MECOM: variants seen among roughly 807,000 people sequenced by gnomAD.
MECOM encodes MDS1 and EVI1 complex locus.
MECOM carries 13 observed loss-of-function variants against 116.3 expected under a neutral mutation model. The ratio of observed to expected loss-of-function variants is 0.11; its 90% confidence interval spans 0.07 to 0.18. The LOEUF is 0.18. MECOM is among the 10% of genes least tolerant of loss of function. The pLI is 1.00. For missense variants in MECOM, 1,299 were observed against 1,509.0 expected (o/e 0.86, Z 2.31); for synonymous variants, 528 against 535.2 (o/e 0.99, Z 0.19).
intron 2 of MECOM, among the ~76,000 whole-genome samples, chr3:169,267,872 A>T (rs550730754): frequency 6.6e-5 from 10 of 152,274 alleles, no homozygotes; most frequent in African/African-American, 2.4e-4. Context: ...GAAAAGGAAG[A>T]GAAGACTCCC....
intron 2 of MECOM, among the ~76,000 whole-genome samples, chr3:169,248,412 A>G (rs1217288645): frequency 1.3e-5 from 2 of 152,184 alleles, no homozygotes; most frequent in African/African-American, 2.4e-5. Context: ...TGCTAAATCT[A>G]CCTCTTAGTT....
intron 1 of MECOM, among the ~76,000 whole-genome samples, chr3:169,391,098 G>T (rs749911103): frequency 6.6e-6 from 1 of 152,112 alleles, no homozygotes; most frequent in Non-Finnish European, 1.5e-5. Flanking sequence ...AAATAATTAT[G>T]CATGTCTGGC....
At position 169,378,540 on chromosome 3, in the gene MECOM, AAG is replaced by A. The variant is rs1284107912; in HGVS notation, c.375+2645_375+2646del. ...AAAGAAAGAAAGAAAGAAAGAAAGA[AAG>A]AAAGAAAGAAAGAAAGAAAGAAAGA... On this transcript the variant is annotated intron_variant, in intron 2 of 16. Transcript: ENST00000651503. Among the ~76,000 whole-genome samples, 41 of 119,680 alleles carry A rather than the reference AAG, an allele frequency of 3.4e-4. 4 individuals are homozygous for A. The highest frequency in any genetic ancestry group is 1.2e-3 in the African/African-American group (35 of 28,612). 78.5% of individuals were successfully genotyped at this position (119,680 alleles called of 152,430 possible).
chr3:169,506,457 G>A (rs1182059216), intron 1 of MECOM, among the ~76,000 whole-genome samples: 1 of 137,292 alleles, frequency 7.3e-6, no homozygotes, highest in South Asian at 2.3e-4. Context: ...CCTGTCTGAG[G>A]TGAGTACTCT....
At position 169,430,703 on chromosome 3, in the gene MECOM, C is replaced by T. The variant is rs117653043; in HGVS notation, c.38-49179G>A. 1.9e-3 allele frequency among the ~76,000 whole-genome samples: 288 copies of T among 152,248 alleles called. 5 individuals carry two copies. The East Asian group carries it at 0.048, about 26-fold the overall frequency. ...TTACCTGCTAGTTCCAATTGATTTC[C>T]TTTGCCTTTGCCTCCTTTAGCCATG... On this transcript the variant is annotated intron_variant, in intron 1 of 16. Coordinates refer to ENST00000651503, the MANE Select transcript of MECOM (RefSeq NM_004991.4).
At chr3:169,362,323 G>A (rs1336005873) in intron 2 of MECOM, among the ~76,000 whole-genome samples, 3 of 151,868 alleles carry the variant, frequency 2.0e-5, no homozygotes, top group Non-Finnish European at 2.9e-5. Context: ...GACAGAATTC[G>A]AAGACTCATA....
chr3:169,125,062 C>T (rs187996751), intron 5 of MECOM, among the ~76,000 whole-genome samples: 1 of 152,198 alleles, frequency 6.6e-6, no homozygotes, highest in East Asian at 1.9e-4. Context: ...TCTATTCGTA[C>T]TGGCACAAGA....
chr3:169,466,092 T>C (rs1748260128), intron 1 of MECOM, among the ~76,000 whole-genome samples: 1 of 152,136 alleles, frequency 6.6e-6, no homozygotes, highest in Non-Finnish European at 1.5e-5. Flanking sequence ...GATATAACAT[T>C]TGAAGAATCA....
At chr3:169,332,495 G>A (rs937941123) in intron 2 of MECOM, among the ~76,000 whole-genome samples, 2 of 152,110 alleles carry the variant, frequency 1.3e-5, no homozygotes, top group Non-Finnish European at 2.9e-5. Context: ...TGTTATTAGT[G>A]CTCAGTGATT....
At chr3:169,605,804 A>G (rs1051493858) in intron 1 of MECOM, among the ~76,000 whole-genome samples, 1 of 152,192 alleles carries the variant, frequency 6.6e-6, no homozygotes, top group African/African-American at 2.4e-5. Flanking sequence ...ACTTTTTTAA[A>G]CAGAAGCCAT....
At position 169,089,075 on chromosome 3, in the gene MECOM, A is replaced by C. The variant is rs201012357; in HGVS notation, c.3510T>G (p.Ala1170=). ...RKMEDNQYSE[A]ELSSFSTSHV... is the part of the protein sequence containing the mutation. Reference sequence around the variant, plus strand: ...GGGAAGTACTAAAAGAAGACAGCTCAGCTTCAGAATATTGATTATCTTCCA... The same window carrying C: ...GGGAAGTACTAAAAGAAGACAGCTCCGCTTCAGAATATTGATTATCTTCCA... The change falls in exon 16 of 17, where the codon GCT becomes GCG. Residue 1170 remains alanine (A), a synonymous_variant. Transcript: ENST00000651503. 8 of 1,611,124 alleles carry C rather than the reference A, an allele frequency of 5.0e-6. No individual in the cohort carries two copies. Among genetic ancestry groups the C allele is most frequent in the Non-Finnish European group, 6.8e-6 (8 of 1,178,694 alleles).
intron 1 of MECOM, among the ~76,000 whole-genome samples, chr3:169,499,948 A>G (rs892066766): frequency 2.0e-5 from 3 of 152,086 alleles, no homozygotes; most frequent in Admixed American, 6.6e-5. Context: ...AGCCCTCACT[A>G]TCTATCTCCA....
intron 2 of MECOM, among the ~76,000 whole-genome samples, chr3:169,248,478 A>T (rs902481687): frequency 1.3e-5 from 2 of 152,190 alleles, no homozygotes; most frequent in Non-Finnish European, 2.9e-5. Context: ...ATGTTCAGGG[A>T]TGCATTTCTA....
At chr3:169,491,847 A>C (rs1753130641) in intron 1 of MECOM, among the ~76,000 whole-genome samples, 2 of 152,256 alleles carry the variant, frequency 1.3e-5, no homozygotes, top group Admixed American at 6.5e-5. Context: ...AAATGCTATG[A>C]ATCACATCAC....
intron 1 of MECOM, among the ~76,000 whole-genome samples, chr3:169,658,316 A>T (rs1775782922): frequency 6.6e-6 from 1 of 152,102 alleles, no homozygotes; most frequent in Non-Finnish European, 1.5e-5. Flanking sequence ...CTCCCACCCC[A>T]TCTCTTCCCC....
chr3:169,453,628 C>T (rs568223802), intron 1 of MECOM, among the ~76,000 whole-genome samples: 40 of 152,244 alleles, frequency 2.6e-4, no homozygotes, highest in African/African-American at 7.7e-4. Flanking sequence ...TCTGCATAAA[C>T]ACGGGCACTT....
intron 2 of MECOM, among the ~76,000 whole-genome samples, chr3:169,149,237 G>T (rs533663388): frequency 6.6e-6 from 1 of 152,256 alleles, no homozygotes; most frequent in East Asian, 1.9e-4. Context: ...AGTGCGGCCT[G>T]ATCAGGGGGT....
chr3:169,520,228 G>A (rs9824809), intron 1 of MECOM, among the ~76,000 whole-genome samples: 5,535 of 152,236 alleles, frequency 0.036, 335 homozygotes, highest in African/African-American at 0.13. Context: ...GAAGCCAAAT[G>A]TTCCCTGAAA....
At chr3:169,169,832 T>G (rs1236795535) in intron 2 of MECOM, among the ~76,000 whole-genome samples, 3 of 139,362 alleles carry the variant, frequency 2.2e-5, no homozygotes, top group Non-Finnish European at 4.6e-5. Flanking sequence ...GTTCTACAGT[T>G]CTACTTTTTT....
Sources: allele counts gnomAD v4.1 joint callset (sites outside exome capture counted in the v4.1 genomes callset), GRCh38; gene constraint gnomAD v4.1.1; transcripts MANE v1.5; gene names NCBI Gene and HGNC (gene_info 2026-07-23, HGNC 2026-07-21).